The following PPP2R3A variants were observed in gnomAD, a reference collection of about 807,000 sequenced individuals.
PPP2R3A encodes protein phosphatase 2 regulatory subunit B''alpha, also known as serine/threonine-protein phosphatase 2A regulatory subunit B'' subunit alpha.
In PPP2R3A, 80 loss-of-function variants were observed where a neutral mutation model predicts 106.9. The observed-to-expected ratio is 0.75, with a 90% confidence interval of 0.62 to 0.90. The LOEUF is 0.90. Ranked by LOEUF, PPP2R3A falls within the 40% of genes least tolerant of loss-of-function variation. The pLI is 0.00. For missense variants in PPP2R3A, 1,386 were observed against 1,350.4 expected (o/e 1.03, Z -0.41); for synonymous variants, 483 against 468.3 (o/e 1.03, Z -0.41).
At position 136,147,711 on chromosome 3, in the gene PPP2R3A, C is replaced by CT. The variant is rs919818254; in HGVS notation, c.*2546dup. 1 of 152,184 alleles carries CT rather than the reference C, an allele frequency of 6.6e-6. No individual in the cohort carries two copies. The highest frequency in any genetic ancestry group is 1.5e-5 in the Non-Finnish European group (1 of 68,012). 9.4% of individuals were successfully genotyped at this position (152,184 alleles called of 1,614,324 possible). On this transcript the variant is annotated 3_prime_UTR_variant, in exon 14 of 14. Transcript: ENST00000264977. ...GCATAACATTACCAAGGTAATCAAA[C>CT]TAATAAAATTCCATATATCTTCCCT...
intron 9 of PPP2R3A, among the ~76,000 whole-genome samples, chr3:136,088,225 A>G (rs1442776370): frequency 6.6e-6 from 1 of 152,140 alleles, no homozygotes; most frequent in Non-Finnish European, 1.5e-5. Flanking sequence ...CCCAACAGGC[A>G]GTCCCTCAGC....
At position 136,027,045 on chromosome 3, in the gene PPP2R3A, A is replaced by C. The variant is rs1008057319; in HGVS notation, c.2209A>C (p.Met737Leu). 4 of 1,613,556 alleles carry C rather than the reference A, an allele frequency of 2.5e-6. No homozygotes were observed. The highest frequency in any genetic ancestry group is 2.5e-6 in the Non-Finnish European group (3 of 1,179,538). Residue 737 changes from methionine (M) to leucine (L), a missense_variant, in exon 3 of 14, where the codon ATG (methionine) becomes CTG (leucine). Physicochemically the swap from Met to Leu is conservative, Grantham distance 15. Transcript: ENST00000264977. Reference protein sequence around the residue: ...QTLSRIETAFMDIEEQKADIY... With the variant: ...QTLSRIETAFLDIEEQKADIY... The stretch of plus-strand genomic sequence containing the variant: ...TCTAAGCAGAATTGAAACTGCTTTC[A>C]TGGATATTGAAGAACAGAAAGCAGA...
chr3:136,131,260 C>A (rs1938403487), intron 13 of PPP2R3A, among the ~76,000 whole-genome samples: 1 of 152,164 alleles, frequency 6.6e-6, no homozygotes. Flanking sequence ...TTTTTGCAAT[C>A]TACCCACCTG....
intron 10 of PPP2R3A, among the ~76,000 whole-genome samples, chr3:136,092,736 T>C (rs1937122921): frequency 6.6e-6 from 1 of 152,150 alleles, no homozygotes; most frequent in African/African-American, 2.4e-5. Flanking sequence ...GGCTAATTGA[T>C]TTGCAACAAG....
Position 135,989,307 on chromosome 3 carries a change from T to C in PPP2R3A, c.-440-11752T>C, listed in dbSNP as rs7630112. 3.0e-3 allele frequency among the ~76,000 whole-genome samples: 459 copies of C among 152,246 alleles called. 4 individuals carry two copies. Among genetic ancestry groups the C allele is most frequent in the African/African-American group, 0.01 (425 of 41,558 alleles). On this transcript the variant is annotated intron_variant, in intron 1 of 13. Transcript: ENST00000264977. ...GAGAAAGGCTCAGTACACCTTCTAT[T>C]AGAGCATAGTTTGGGAGCTCTGCCA... is the stretch of plus-strand genomic sequence containing the variant.
chr3:136,124,349 G>T (rs1938106583), intron 13 of PPP2R3A, among the ~76,000 whole-genome samples: 1 of 152,066 alleles, frequency 6.6e-6, no homozygotes, highest in South Asian at 2.1e-4. Context: ...GCATGGGGAT[G>T]GCATACACCT....
chr3:136,141,394 G>A (rs1938866702), intron 13 of PPP2R3A, among the ~76,000 whole-genome samples: 1 of 152,176 alleles, frequency 6.6e-6, no homozygotes. Context: ...GGGAGATGTG[G>A]TTACAAAGTC....
intron 5 of PPP2R3A, among the ~76,000 whole-genome samples, chr3:136,049,703 G>A (rs895692899): frequency 6.6e-6 from 1 of 152,176 alleles, no homozygotes; most frequent in Admixed American, 6.5e-5. Context: ...AATGCAAGAA[G>A]ATAACTTCTC....
intron 13 of PPP2R3A, among the ~76,000 whole-genome samples, chr3:136,113,902 C>T (rs1264879260): frequency 6.6e-6 from 1 of 152,074 alleles, no homozygotes; most frequent in Non-Finnish European, 1.5e-5. Flanking sequence ...ATGATGAAGT[C>T]TCCAAAAGCA....
chr3:136,134,409 C>G (rs1156936859), intron 13 of PPP2R3A, among the ~76,000 whole-genome samples: 1 of 152,132 alleles, frequency 6.6e-6, no homozygotes, highest in Admixed American at 6.6e-5. Context: ...ACAATTGGCA[C>G]TGGTCACAGG....
At chr3:136,103,558 G>A (rs1436506010) in intron 12 of PPP2R3A, among the ~76,000 whole-genome samples, 182 bp downstream of exon 12, 5 of 152,106 alleles carry the variant, frequency 3.3e-5, no homozygotes, top group East Asian at 1.9e-4. Flanking sequence ...ACAGCCGATC[G>A]TCAGGTCTAA....
chr3:136,147,021 T>C lies in PPP2R3A; in HGVS notation c.*1855T>C, dbSNP rs1939161378. 6.6e-6 allele frequency: 1 copy of C among 152,182 alleles called. No individual in the cohort carries two copies. The highest frequency in any genetic ancestry group is 2.4e-5 in the African/African-American group (1 of 41,436). The allele number at this position is 152,182 out of a possible 1,614,324, so 9.4% of individuals were successfully genotyped here. Reference sequence around the variant, plus strand: ...AACTATTTGGCTTTACCTTTTTACCTTGGTTCTCCTTACTGAAGTCCTCTT... The same window carrying C: ...AACTATTTGGCTTTACCTTTTTACCCTGGTTCTCCTTACTGAAGTCCTCTT... On this transcript the variant is annotated 3_prime_UTR_variant, in exon 14 of 14. Transcript: ENST00000264977.
chr3:136,039,392 G>A (rs1388314564), intron 3 of PPP2R3A, among the ~76,000 whole-genome samples: 1 of 152,176 alleles, frequency 6.6e-6, no homozygotes, highest in Non-Finnish European at 1.5e-5. Flanking sequence ...AGTAACGATT[G>A]TATTATTACT....
At chr3:136,090,453 G>A in intron 9 of PPP2R3A, 125 bp from the exon 10 acceptor site, 1 of 674,468 alleles carries the variant, frequency 1.5e-6, no homozygotes, top group Non-Finnish European at 2.5e-6. Flanking sequence ...TGCCCTTTAT[G>A]AGGCATTTAG....
At chr3:136,081,033 G>A (rs945801815) in intron 7 of PPP2R3A, among the ~76,000 whole-genome samples, 8 of 150,428 alleles carry the variant, frequency 5.3e-5, no homozygotes, top group African/African-American at 1.5e-4. Context: ...TTGCCCTGTC[G>A]CCCAGGTTGG....
chr3:135,971,691 A>C (rs1048594635), intron 1 of PPP2R3A, among the ~76,000 whole-genome samples: 1 of 152,222 alleles, frequency 6.6e-6, no homozygotes, highest in Non-Finnish European at 1.5e-5. Context: ...ACTTTGTGAC[A>C]TGAAAGCAGA....
At chr3:136,106,009 A>T (rs1210298388) in intron 12 of PPP2R3A, among the ~76,000 whole-genome samples, 2 of 152,042 alleles carry the variant, frequency 1.3e-5, no homozygotes, top group Non-Finnish European at 2.9e-5. Flanking sequence ...TACCTAAAAA[A>T]CCTGGCTGCT....
rs149963125 is a variant in PPP2R3A at position 136,027,014 on chromosome 3, A to G, written c.2178A>G (p.Glu726=). The change falls in exon 3 of 14, where the codon GAA becomes GAG. Residue 726 remains glutamate, a synonymous_variant. Transcript: ENST00000264977. The part of the protein sequence containing the change: ...EGLPDTCSNH[E]QTLSRIETAF... ...TCCCAGATACCTGTAGTAATCATGA[A>G]CAAACTCTAAGCAGAATTGAAACTG... The G allele has an allele frequency of 3.8e-4, 610 of 1,612,760 alleles. 1 individual carries two copies. The highest frequency in any genetic ancestry group is 8.0e-4 in the South Asian group (73 of 91,056).
At chr3:136,107,493 C>G (rs537118391) in intron 13 of PPP2R3A, among the ~76,000 whole-genome samples, 1 of 126,328 alleles carries the variant, frequency 7.9e-6, no homozygotes, top group East Asian at 2.5e-4. Context: ...GTGGTCCATT[C>G]AGGTCAGCCT....
Sources: gnomAD v4.1 joint callset for allele counts (sites outside exome capture counted in the v4.1 genomes callset) on GRCh38, gnomAD v4.1.1 for gene constraint, MANE v1.5 for transcripts, NCBI Gene and HGNC (gene_info 2026-07-23, HGNC 2026-07-21) for gene names.